Variants in PTPRD observed in about 807,000 individuals in gnomAD.
PTPRD encodes receptor-type tyrosine-protein phosphatase delta.
A neutral mutation model predicts 214.5 loss-of-function variants in PTPRD; 34 were observed. The observed-to-expected ratio is 0.16, with a 90% CI of 0.12 to 0.21. The LOEUF is 0.21. Among genes scored for constraint, PTPRD ranks in the 10% least tolerant of loss-of-function variants. PTPRD has a pLI of 1.00. For synonymous variants in PTPRD, 1,128 were observed against 845.7 expected (o/e 1.33, Z -5.79); for missense variants, 2,545 against 2,398.7 (o/e 1.06, Z -1.27).
rs537069006 is a variant in PTPRD at position 9,738,090 on chromosome 9, CG to C, written c.-325-3520del. Among the ~76,000 whole-genome samples the C allele has an allele frequency of 3.4e-3, 468 of 138,874 alleles. 2 individuals carry two copies. The highest frequency in any genetic ancestry group is 0.012 in the African/African-American group (452 of 36,788). 91.1% of individuals were successfully genotyped at this position (138,874 alleles called of 152,430 possible). ...ACACAGGAAGGGGAACATCACACACCGGGGCCTGTTGTGAGGTGGGGGGATG... is the reference window on the plus strand; with the variant it reads ...ACACAGGAAGGGGAACATCACACACCGGGCCTGTTGTGAGGTGGGGGGATG... On this transcript the variant is annotated intron_variant, in intron 6 of 45. Transcript: ENST00000381196.
At chr9:10,505,917 A>C (rs1037942127) in intron 2 of PTPRD, among the ~76,000 whole-genome samples, 4 of 152,144 alleles carry the variant, frequency 2.6e-5, no homozygotes, top group African/African-American at 9.7e-5. Context: ...AATAATCAAT[A>C]AGTAGAAGGT....
At chr9:10,514,277 A>AT (rs936395464) in intron 2 of PTPRD, among the ~76,000 whole-genome samples, 3 of 150,812 alleles carry the variant, frequency 2.0e-5, no homozygotes, top group Admixed American at 6.6e-5. Flanking sequence ...TCTTTTATGT[A>AT]TTTTTTTTTA....
At chr9:9,245,439 A>G (rs2131270450) in intron 9 of PTPRD, among the ~76,000 whole-genome samples, 1 of 152,284 alleles carries the variant, frequency 6.6e-6, no homozygotes, top group East Asian at 1.9e-4. Flanking sequence ...CTATGCAGCC[A>G]TAAAAAATGA....
intron 3 of PTPRD, among the ~76,000 whole-genome samples, chr9:10,087,136 A>G (rs534644254): frequency 8.7e-6 from 1 of 115,074 alleles, no homozygotes; most frequent in African/African-American, 3.0e-5. Flanking sequence ...TATGTTTTAG[A>G]GTTTTTTTTT....
At chr9:8,398,676 C>G (rs929243732) in intron 36 of PTPRD, among the ~76,000 whole-genome samples, 1 of 152,158 alleles carries the variant, frequency 6.6e-6, no homozygotes, top group Admixed American at 6.5e-5. Flanking sequence ...TAAGTTTGCC[C>G]TTTTTCTATC....
intron 4 of PTPRD, among the ~76,000 whole-genome samples, chr9:9,979,196 G>C (rs1348515017): frequency 6.6e-6 from 1 of 152,004 alleles, no homozygotes; most frequent in African/African-American, 2.4e-5. Flanking sequence ...CAAAGAAAGA[G>C]TGTCAAAAAT....
chr9:8,627,822 A>C (rs2154310053), intron 14 of PTPRD, among the ~76,000 whole-genome samples: 1 of 151,972 alleles, frequency 6.6e-6, no homozygotes, highest in East Asian at 1.9e-4. Context: ...ACTGATACCC[A>C]AAGAATCACT....
intron 2 of PTPRD, among the ~76,000 whole-genome samples, chr9:10,369,046 G>C (rs1357781284): frequency 6.6e-6 from 1 of 151,946 alleles, no homozygotes; most frequent in Non-Finnish European, 1.5e-5. Context: ...CAAAAACACA[G>C]TGCCAAGTGT....
intron 44 of PTPRD, among the ~76,000 whole-genome samples, chr9:8,329,465 G>A (rs1293095728): frequency 4.6e-5 from 7 of 152,100 alleles, no homozygotes; most frequent in South Asian, 4.1e-4. Flanking sequence ...CTACTGTGAG[G>A]TGTCACCCAG....
At chr9:10,376,458 C>T (rs2154480466) in intron 2 of PTPRD, among the ~76,000 whole-genome samples, 1 of 151,442 alleles carries the variant, frequency 6.6e-6, no homozygotes, top group Middle Eastern at 3.4e-3. Context: ...AGAGGGGCCT[C>T]AAAATTCATT....
At chr9:9,973,192 G>A (rs1414153091) in intron 4 of PTPRD, among the ~76,000 whole-genome samples, 46 of 151,886 alleles carry the variant, frequency 3.0e-4, no homozygotes, top group Admixed American at 3.0e-3. Flanking sequence ...GCTGGGCGCA[G>A]TGGCTCATGC....
intron 5 of PTPRD, among the ~76,000 whole-genome samples, chr9:9,935,460 T>G (rs1377307328): frequency 6.6e-6 from 1 of 151,862 alleles, no homozygotes; most frequent in South Asian, 2.1e-4. Context: ...AAATCATGAG[T>G]GAACTCCCAT....
chr9:9,530,134 A>G (rs968995048), intron 8 of PTPRD, among the ~76,000 whole-genome samples: 1 of 152,118 alleles, frequency 6.6e-6, no homozygotes, highest in Non-Finnish European at 1.5e-5. Flanking sequence ...AATTGGCAGA[A>G]GGAAAGAAAT....
At chr9:9,641,393 T>C (rs2095945135) in intron 7 of PTPRD, among the ~76,000 whole-genome samples, 1 of 152,128 alleles carries the variant, frequency 6.6e-6, no homozygotes, top group Admixed American at 6.5e-5. Flanking sequence ...GGTTTCCACA[T>C]CCCTTTCTTC....
At chr9:9,793,210 T>C (rs1354337877) in intron 5 of PTPRD, among the ~76,000 whole-genome samples, 2 of 152,150 alleles carry the variant, frequency 1.3e-5, no homozygotes, top group African/African-American at 4.8e-5. Context: ...TTATCATAAG[T>C]TGATAGATGC....
intron 9 of PTPRD, among the ~76,000 whole-genome samples, chr9:9,357,058 T>C (rs2054082246): frequency 6.6e-6 from 1 of 151,310 alleles, no homozygotes; most frequent in South Asian, 2.1e-4. Flanking sequence ...TCTTCATTTA[T>C]CAATCCGTCA....
chr9:10,067,972 T>C (rs1411390930), intron 3 of PTPRD, among the ~76,000 whole-genome samples: 1 of 151,946 alleles, frequency 6.6e-6, no homozygotes, highest in Non-Finnish European at 1.5e-5. Context: ...GATTTTGTGC[T>C]AGCTGACTCC....
At chr9:9,688,473 T>C (rs781225377) in intron 7 of PTPRD, among the ~76,000 whole-genome samples, 3 of 151,920 alleles carry the variant, frequency 2.0e-5, no homozygotes, top group Non-Finnish European at 2.9e-5. Context: ...TTGTTGCTGC[T>C]GTTTTGTCTG....
intron 3 of PTPRD, among the ~76,000 whole-genome samples, chr9:10,205,443 T>C (rs955598399): frequency 3.7e-4 from 57 of 152,064 alleles, no homozygotes; most frequent in African/African-American, 1.4e-3. Context: ...TCTTACTCTG[T>C]TGCCCAGGCT....
Sources: allele counts gnomAD v4.1 joint callset (sites outside exome capture counted in the v4.1 genomes callset), GRCh38; gene constraint gnomAD v4.1.1; transcripts MANE v1.5; gene names NCBI Gene and HGNC (gene_info 2026-07-23, HGNC 2026-07-21).